Variants in ATP13A3 observed in about 807,000 individuals in gnomAD.
ATP13A3 encodes the protein polyamine-transporting ATPase 13A3.
Under a neutral mutation model 158.1 loss-of-function variants are expected in ATP13A3, and 59 were observed. That is an observed-to-expected ratio of 0.37 (90% confidence interval 0.30 to 0.46). The LOEUF (loss-of-function observed/expected upper bound fraction) is 0.46. ATP13A3 is among the 20% of genes least tolerant of loss of function. The pLI, the probability that ATP13A3 is intolerant of heterozygous loss-of-function variation, is 1.00. For synonymous variants in ATP13A3, 491 were observed against 504.3 expected (o/e 0.97, Z 0.35); for missense variants, 1,166 against 1,525.2 (o/e 0.76, Z 3.92).
chr3:194,476,634 C>T (rs186589527), intron 2 of ATP13A3, among the ~76,000 whole-genome samples: 48 of 152,262 alleles, frequency 3.2e-4, no homozygotes, highest in East Asian at 1.9e-4. Context: ...CCTGAGCCCT[C>T]GTCTCCCTCA....
intron 29 of ATP13A3, among the ~76,000 whole-genome samples, chr3:194,425,980 T>C (rs1384037725): frequency 1.3e-5 from 2 of 152,248 alleles, no homozygotes; most frequent in Admixed American, 6.5e-5. Context: ...GGTGCTGAGA[T>C]GTCCCTCAAT....
intron 31 of ATP13A3, among the ~76,000 whole-genome samples, chr3:194,414,893 A>C (rs1008025283): frequency 2.6e-5 from 4 of 152,220 alleles, no homozygotes; most frequent in African/African-American, 9.6e-5. Flanking sequence ...GCAGGTCTAA[A>C]GCTTAGTAGT....
intron 33 of ATP13A3, among the ~76,000 whole-genome samples, chr3:194,408,394 TA>T (rs1241483205): frequency 6.6e-6 from 1 of 152,126 alleles, no homozygotes; most frequent in Non-Finnish European, 1.5e-5. Context: ...TGACTTTTTT[TA>T]AAAAAGCAGA....
chr3:194,439,034 A>C, intron 16 of ATP13A3, 62 bp from the exon 17 acceptor site: 4 of 1,063,328 alleles, frequency 3.8e-6, no homozygotes, highest in Non-Finnish European at 5.5e-6. Context: ...GCTTCATAAA[A>C]CTGAATTCAT....
Position 194,448,108 on chromosome 3 carries a change from C to T in ATP13A3, c.1151-99G>A, listed in dbSNP as rs1341596106. ...TTTTTTTTTTTTTGAGACAGAGTCT[C>T]GCTCTGTCACCCAGGCTGGAGTACA... On this transcript the variant is annotated intron_variant, in intron 12 of 33. Coordinates refer to ENST00000645319, the MANE Select transcript of ATP13A3 (RefSeq NM_001367549.1). This position sits in a 1 kb window ranked among gnomAD's most constrained non-coding sequence, Gnocchi z 4.0. 15 of 1,164,602 alleles carry T rather than the reference C, an allele frequency of 1.3e-5. No individual in the cohort carries two copies. Among genetic ancestry groups the T allele is most frequent in the African/African-American group, 4.8e-5 (3 of 62,936 alleles). 72.1% of individuals were successfully genotyped at this position (1,164,602 alleles called of 1,614,324 possible). A position where few individuals can be genotyped will look rare whatever the true frequency, so the allele number is the denominator to read the frequency against.
chr3:194,405,909 T>A lies in ATP13A3; in HGVS notation c.*10A>T, dbSNP rs374940660. 10 of 1,612,554 alleles carry A rather than the reference T, an allele frequency of 6.2e-6. No homozygotes were observed. The African/African-American group carries it at 6.7e-5, about 11-fold the overall frequency. On this transcript the variant is annotated 3_prime_UTR_variant, in exon 34 of 34. Transcript: ENST00000645319. ...CTGCTATCAGCAATACCACTGAGAC[T>A]GATTCACTGCTATGTTATGGTGATG...
At chr3:194,422,258 T>C (rs1360762284) in intron 30 of ATP13A3, among the ~76,000 whole-genome samples, 4 of 152,200 alleles carry the variant, frequency 2.6e-5, no homozygotes, top group Non-Finnish European at 4.4e-5. Context: ...GAATTAGGTA[T>C]TCACTTTAGA....
chr3:194,456,207 C>T (rs1211961145), intron 7 of ATP13A3, among the ~76,000 whole-genome samples: 1 of 151,982 alleles, frequency 6.6e-6, no homozygotes, highest in African/African-American at 2.4e-5. Context: ...GTATCTTTCC[C>T]ACTAGTCTAT....
chr3:194,480,142 C>T (rs11915819), intron 2 of ATP13A3, among the ~76,000 whole-genome samples: 7,291 of 152,242 alleles, frequency 0.048, 448 homozygotes, highest in African/African-American at 0.15. Flanking sequence ...ACCCTTCACT[C>T]AGACTCTTAT....
chr3:194,460,131 T>C (rs1248020121), intron 4 of ATP13A3, among the ~76,000 whole-genome samples, 160 bp from the exon 5 acceptor site: 1 of 152,194 alleles, frequency 6.6e-6, no homozygotes, highest in East Asian at 1.9e-4. Context: ...TGAGGATGCT[T>C]AAATTCAAAC....
chr3:194,403,440 T>C lies in ATP13A3; in HGVS notation c.*2479A>G, dbSNP rs1413366634. ...TATACTTGAGGGAGAAAAAAAACTTTAAACAACCCTGAGGGAGACACACAT... is the reference window on the plus strand; with the variant it reads ...TATACTTGAGGGAGAAAAAAAACTTCAAACAACCCTGAGGGAGACACACAT... On this transcript the variant is annotated 3_prime_UTR_variant, in exon 34 of 34. Transcript: ENST00000645319. 2.6e-5 allele frequency: 4 copies of C among 152,222 alleles called. No homozygotes were observed. The highest frequency in any genetic ancestry group is 1.3e-4 in the Admixed American group (2 of 15,286). 9.4% of individuals were successfully genotyped at this position (152,222 alleles called of 1,614,324 possible). A position where few individuals can be genotyped will look rare whatever the true frequency, so the allele number is the denominator to read the frequency against.
Position 194,405,890 on chromosome 3 carries a change from T to C in ATP13A3, c.*29A>G. 3 of 1,606,878 alleles carry C rather than the reference T, an allele frequency of 1.9e-6. No individual in the cohort carries two copies. The highest frequency in any genetic ancestry group is 2.6e-6 in the Non-Finnish European group (3 of 1,173,454). On this transcript the variant is annotated 3_prime_UTR_variant, in exon 34 of 34. Transcript: ENST00000645319. The stretch of plus-strand genomic sequence containing the variant: ...AATCACATATTCCTGAATACTGCTA[T>C]CAGCAATACCACTGAGACTGATTCA...
intron 13 of ATP13A3, 118 bp from the exon 14 acceptor site, chr3:194,447,233 T>A (rs1349063168): frequency 2.4e-6 from 2 of 823,788 alleles, no homozygotes; most frequent in Non-Finnish European, 3.8e-6. Flanking sequence ...ATTTTATGTA[T>A]GTGTGTGTAT....
At chr3:194,440,859 T>C (rs1560091189) in intron 16 of ATP13A3, among the ~76,000 whole-genome samples, 1 of 152,096 alleles carries the variant, frequency 6.6e-6, no homozygotes, top group Non-Finnish European at 1.5e-5. Flanking sequence ...AAAGTCCCAA[T>C]GGCAAAAATA....
chr3:194,450,217 T>C lies in ATP13A3; in HGVS notation c.898A>G (p.Asn300Asp). ...GCATCACAAGGCATTATTGTCCCAT[T>C]TAATGGAATGACCATGACATCTCCT... Reference protein sequence around the residue: ...VPGDVMVIPLNGTIMPCDAVL... With the variant: ...VPGDVMVIPLDGTIMPCDAVL... The change falls in exon 11 of 34, where the codon AAT (asparagine) becomes GAT (aspartate). Residue 300 changes from asparagine to aspartate, a missense_variant. By Grantham distance (23) the Asn-to-Asp change is conservative (BLOSUM62 1). This residue lies in a region of ATP13A3 where 997 missense variants were observed against 1,341.2 expected (regional missense o/e 0.74). Transcript: ENST00000645319. 1 of 1,613,626 alleles carries C rather than the reference T, an allele frequency of 6.2e-7. No individual in the cohort carries two copies. Among genetic ancestry groups the C allele is most frequent in the African/African-American group, 1.3e-5 (1 of 75,036 alleles).
rs1338785296 is a variant in ATP13A3 at position 194,441,335 on chromosome 3, C to T, written c.1686G>A (p.Leu562=). The change falls in exon 16 of 34, where the codon CTG becomes CTA. Residue 562 remains leucine, a synonymous_variant. Transcript: ENST00000645319. ...EGVLSGDPLD[L]KMFEAIGWIL... is the part of the protein sequence containing the mutation. ...CCCATCCAATAGCCTCAAACATTTT[C>T]AGATCAAGTGGATCACCAGAGAGCA... The T allele has an allele frequency of 6.2e-7, 1 of 1,612,542 alleles. No individual in the cohort carries two copies.
intron 33 of ATP13A3, among the ~76,000 whole-genome samples, chr3:194,406,469 T>G (rs183220962): frequency 1.9e-3 from 285 of 152,232 alleles, no homozygotes; most frequent in African/African-American, 3.6e-3. Context: ...ATATTTTTTT[T>G]GGGGGGATAA....
At chr3:194,406,155 T>G (rs749283369) in intron 33 of ATP13A3, 39 bp from the exon 34 acceptor site, 3 of 1,600,890 alleles carry the variant, frequency 1.9e-6, no homozygotes, top group Non-Finnish European at 2.6e-6. Flanking sequence ...AACACCCCAG[T>G]TGATTAAAGG....
chr3:194,470,403 C>A (rs1426250332), intron 2 of ATP13A3, among the ~76,000 whole-genome samples: 1 of 152,048 alleles, frequency 6.6e-6, no homozygotes, highest in Non-Finnish European at 1.5e-5. Context: ...TACACTATAC[C>A]ATTAATTCTT....
Sources: gnomAD v4.1 joint callset for allele counts (sites outside exome capture counted in the v4.1 genomes callset) on GRCh38, gnomAD v4.1.1 for gene constraint, gnomAD v4.1.1 regional missense constraint, Gnocchi (gnomAD v3.1) non-coding constraint, MANE v1.5 for transcripts, NCBI Gene and HGNC (gene_info 2026-07-23, HGNC 2026-07-21) for gene names.